The following LINGO2 variants were observed in gnomAD, a reference collection of about 807,000 sequenced individuals.
LINGO2 encodes leucine-rich repeat and immunoglobulin-like domain-containing nogo receptor-interacting protein 2.
LINGO2 carries 14 observed loss-of-function variants against 30.6 expected under a neutral mutation model. That is an observed-to-expected ratio of 0.46 (90% confidence interval 0.30 to 0.72). LINGO2 has a LOEUF of 0.72. Among genes scored for constraint, LINGO2 ranks in the 30% least tolerant of loss-of-function variants. The pLI is 0.07. For synonymous variants in LINGO2, 317 were observed against 288.5 expected (o/e 1.10, Z -1.00); for missense variants, 729 against 751.7 (o/e 0.97, Z 0.35).
intron 1 of LINGO2, among the ~76,000 whole-genome samples, chr9:28,591,054 A>G (rs1824877762): frequency 1.3e-5 from 2 of 152,132 alleles, no homozygotes; most frequent in South Asian, 4.1e-4. Context: ...AAACTATTGC[A>G]AGGACAAAAA....
intron 4 of LINGO2, among the ~76,000 whole-genome samples, chr9:28,230,279 T>C (rs1587277842): frequency 1.3e-5 from 2 of 151,792 alleles, no homozygotes. Context: ...AAAATAAAAA[T>C]ACAGGTAAAC....
chr9:29,134,429 T>C, the LINGO2 span, among the ~76,000 whole-genome samples: 1 of 152,102 alleles, frequency 6.6e-6, no homozygotes, highest in Non-Finnish European at 1.5e-5. Context: ...TACATTTTTT[T>C]CACAACTTTG....
At chr9:28,614,083 A>T (rs185602656) in intron 1 of LINGO2, among the ~76,000 whole-genome samples, 1 of 152,282 alleles carries the variant, frequency 6.6e-6, no homozygotes, top group Admixed American at 6.5e-5. Context: ...TTTATAATAA[A>T]TGAAAATGCC....
intron 5 of LINGO2, among the ~76,000 whole-genome samples, chr9:27,973,529 A>G (rs1448752164): frequency 1.3e-5 from 2 of 152,194 alleles, no homozygotes; most frequent in Non-Finnish European, 2.9e-5. Context: ...TAGCTGTGAA[A>G]CTGAAGCTCT....
chr9:28,888,099 T>C, the LINGO2 span, among the ~76,000 whole-genome samples: 4 of 152,124 alleles, frequency 2.6e-5, no homozygotes, highest in African/African-American at 9.6e-5. Context: ...TATGATTCAT[T>C]TTTCTAAGTG....
At chr9:28,501,835 T>C (rs1365697153) in intron 1 of LINGO2, among the ~76,000 whole-genome samples, 4 of 152,116 alleles carry the variant, frequency 2.6e-5, no homozygotes, top group East Asian at 1.9e-4. Context: ...TGATTTAGAA[T>C]GCATGAAAAT....
At chr9:28,010,186 G>A (rs1406077937) in intron 5 of LINGO2, among the ~76,000 whole-genome samples, 1 of 152,158 alleles carries the variant, frequency 6.6e-6, no homozygotes, top group East Asian at 1.9e-4. Flanking sequence ...AGCAGAAAGT[G>A]TACATCATTG....
chr9:28,570,620 C>T (rs915164734), intron 1 of LINGO2, among the ~76,000 whole-genome samples: 1 of 138,344 alleles, frequency 7.2e-6, no homozygotes, highest in African/African-American at 2.8e-5. Flanking sequence ...AAAAAAAAAA[C>T]ACCGTGTGAT....
the LINGO2 span, among the ~76,000 whole-genome samples, chr9:28,775,191 C>T: frequency 2.6e-5 from 4 of 152,146 alleles, no homozygotes; most frequent in African/African-American, 7.2e-5. Flanking sequence ...TCTGGATTCT[C>T]TGTTTCTTAG....
chr9:28,003,622 C>T (rs994956516), intron 5 of LINGO2, among the ~76,000 whole-genome samples: 20 of 152,054 alleles, frequency 1.3e-4, no homozygotes, highest in African/African-American at 4.3e-4. Flanking sequence ...CCACCACACC[C>T]GGCTAATTTT....
chr9:28,666,411 C>A (rs1828803773), intron 1 of LINGO2, among the ~76,000 whole-genome samples: 1 of 151,980 alleles, frequency 6.6e-6, no homozygotes, highest in Admixed American at 6.6e-5. Context: ...TGATTAATGG[C>A]CAACACTTTA....
intron 1 of LINGO2, among the ~76,000 whole-genome samples, chr9:28,523,894 C>CT (rs1165400056): frequency 0.014 from 1,979 of 138,260 alleles, 50 homozygotes; most frequent in African/African-American, 0.047. Flanking sequence ...ACACAGTTGG[C>CT]TTTTTTTTTT....
chr9:27,981,534 C>CAAAAAAAAAAAAAAAAAGAA (rs763284293), intron 5 of LINGO2, among the ~76,000 whole-genome samples: 1 of 39,852 alleles, frequency 2.5e-5, no homozygotes, highest in Non-Finnish European at 5.3e-5. Context: ...ACGAGGATGG[C>CAAAAAAAAAAAAAAAAAGAA]AAAAAAAAAA....
At chr9:28,482,973 G>T (rs1826035482) in intron 1 of LINGO2, among the ~76,000 whole-genome samples, 1 of 152,046 alleles carries the variant, frequency 6.6e-6, no homozygotes, top group East Asian at 1.9e-4. Context: ...AGCCCATGTT[G>T]CTCTGTTCCA....
the LINGO2 span, among the ~76,000 whole-genome samples, chr9:28,998,024 G>C: frequency 6.6e-6 from 1 of 152,072 alleles, no homozygotes; most frequent in Admixed American, 6.5e-5. Context: ...AAGCCATATG[G>C]CTGTCTGAGA....
At chr9:28,479,258 G>A (rs1231123698) in intron 1 of LINGO2, among the ~76,000 whole-genome samples, 1 of 151,792 alleles carries the variant, frequency 6.6e-6, no homozygotes. Flanking sequence ...ATTCAGTTAT[G>A]CTCAGCCTTG....
chr9:28,849,625 T>C, the LINGO2 span, among the ~76,000 whole-genome samples: 3 of 152,040 alleles, frequency 2.0e-5, no homozygotes, highest in African/African-American at 7.2e-5. Context: ...CCAAATAGCA[T>C]ACACTTGTGG....
At chr9:28,963,543 TACACAC>T in the LINGO2 span, among the ~76,000 whole-genome samples, 64 of 140,802 alleles carry the variant, frequency 4.5e-4, no homozygotes, top group African/African-American at 1.4e-3. Context: ...GGTATATGAA[TACACAC>T]ACACACACAC....
intron 4 of LINGO2, among the ~76,000 whole-genome samples, chr9:28,091,871 A>G (rs1826100784): frequency 6.6e-6 from 1 of 152,114 alleles, no homozygotes; most frequent in African/African-American, 2.4e-5. Context: ...CAACCCCATC[A>G]AAAAGTGGGT....
Sources: gnomAD v4.1 joint callset for allele counts (sites outside exome capture counted in the v4.1 genomes callset) on GRCh38, gnomAD v4.1.1 for gene constraint, MANE v1.5 for transcripts, NCBI Gene and HGNC (gene_info 2026-07-23, HGNC 2026-07-21) for gene names.